The following TJP3 variants were observed in gnomAD, a reference collection of about 807,000 sequenced individuals.
The protein encoded by TJP3 is tight junction protein 3, also known as tight junction protein ZO-3.
TJP3 carries 85 observed loss-of-function variants against 104.2 expected under a neutral mutation model. The observed-to-expected ratio is 0.82, with a 90% CI of 0.68 to 0.98. The LOEUF is 0.98. Among genes scored for constraint, TJP3 ranks in the 50% least tolerant of loss-of-function variants. The probability of loss-of-function intolerance (pLI) is 0.00; values close to 1 mark genes in which losing one functional copy is unlikely to be tolerated. For synonymous variants in TJP3, 550 were observed against 550.6 expected (o/e 1.00, Z 0.02); for missense variants, 1,367 against 1,322.8 (o/e 1.03, Z -0.52).
chr19:3,739,266 C>T, intron 13 of TJP3, 132 bp downstream of exon 13: 1 of 748,970 alleles, frequency 1.3e-6, no homozygotes, highest in Non-Finnish European at 2.0e-6. Flanking sequence ...CTGAAGTGGG[C>T]AGATCATGAG....
chr19:3,714,051 TTTG>T (rs1178748444), intron 1 of TJP3, among the ~76,000 whole-genome samples: 1 of 150,640 alleles, frequency 6.6e-6, no homozygotes, highest in East Asian at 2.0e-4. Flanking sequence ...ATTTAATTTC[TTTG>T]TTGTTGTTTT....
At chr19:3,728,353 GC>G in intron 1 of TJP3, 70 bp from the exon 2 acceptor site, 1 of 1,612,524 alleles carries the variant, frequency 6.2e-7, no homozygotes, top group Non-Finnish European at 8.5e-7. Flanking sequence ...CCCACCCTGA[GC>G]TGGGGACCCC....
intron 11 of TJP3, among the ~76,000 whole-genome samples, chr19:3,737,029 G>A (rs868283674): frequency 2.7e-5 from 4 of 150,844 alleles, no homozygotes; most frequent in African/African-American, 7.3e-5. Flanking sequence ...ACAGGTGGCC[G>A]CCACCATGCC....
In TJP3 at chr19:3,740,546, C is replaced by A. The variant is rs951054501; in HGVS notation, c.1632-6C>A. 32 of 1,458,768 alleles carry A rather than the reference C, an allele frequency of 2.2e-5. No individual in the cohort carries two copies. The highest frequency in any genetic ancestry group is 5.1e-4 in the Middle Eastern group (2 of 3,918). The allele number at this position is 1,458,768 out of a possible 1,614,324, so 90.4% of individuals were successfully genotyped here. A position where few individuals can be genotyped will look rare whatever the true frequency, so the allele number is the denominator to read the frequency against. On this transcript the variant is annotated splice_region_variant and splice_polypyrimidine_tract_variant and intron_variant, in intron 13 of 20. Transcript: ENST00000541714. ...AGTGCTCAGTACTGTCCCCTCTTCTCCCCAGGGCGGAGCAGCTGGCCAGCC... is the reference window on the plus strand; with the variant it reads ...AGTGCTCAGTACTGTCCCCTCTTCTACCCAGGGCGGAGCAGCTGGCCAGCC...
rs562451539 is a variant in TJP3 at position 3,735,896 on chromosome 19, T to G, written c.1088T>G (p.Ile363Ser). The part of the protein sequence containing the change: ...SELPRESSYD[I>S]YRVPSSQSME... Reference sequence around the variant, plus strand: ...TTGCCCAGGGAAAGCAGCTATGACATCTACAGAGTGCCCAGCAGTCAGAGC... The same window carrying G: ...TTGCCCAGGGAAAGCAGCTATGACAGCTACAGAGTGCCCAGCAGTCAGAGC... Residue 363 changes from isoleucine (I) to serine (S), a missense_variant, in exon 10 of 21, where the codon ATC becomes AGC. Ile to Ser is a moderately radical substitution (Grantham distance 142, BLOSUM62 -2). Transcript: ENST00000541714. The G allele has an allele frequency of 5.6e-6, 9 of 1,614,110 alleles. No individual in the cohort carries two copies. In the South Asian group the frequency reaches 9.9e-5, roughly 18 times the overall value.
In TJP3 at chr19:3,747,982, C is replaced by A; in HGVS notation, c.2511C>A (p.Pro837=). The A allele has an allele frequency of 6.2e-7, 1 of 1,612,232 alleles. No homozygotes were observed. The highest frequency in any genetic ancestry group is 8.5e-7 in the Non-Finnish European group (1 of 1,179,586). Residue 837 remains proline (P), a synonymous_variant, in exon 19 of 21, where the codon CCC becomes CCA. Transcript: ENST00000541714. ...GGPYTDVDDE[P]PAPALARSSE... ...CCTACACGGATGTGGATGATGAGCCCCCGGCTCCAGCCCTGGCCCGGTCCT... is the reference window on the plus strand; with the variant it reads ...CCTACACGGATGTGGATGATGAGCCACCGGCTCCAGCCCTGGCCCGGTCCT...
Position 3,747,924 on chromosome 19 carries a change from A to T in TJP3, c.2453A>T (p.Asp818Val). The change falls in exon 19 of 21, where the codon GAT becomes GTT. Residue 818 changes from aspartate (D) to valine (V), a missense_variant. Transcript: ENST00000541714. ...GACGGCGAGGGCGGCGCGTACACGG[A>T]TGGCGAGGGCTACACAGACGGCGAG... ...ETDGEGGAYT[D>V]GEGYTDGEGG... 1.2e-6 allele frequency: 2 copies of T among 1,613,254 alleles called. No homozygotes were observed. Among genetic ancestry groups the T allele is most frequent in the South Asian group, 1.1e-5 (1 of 91,062 alleles).
intron 6 of TJP3, 107 bp downstream of exon 6, chr19:3,732,145 T>G (rs1054607485): frequency 3.5e-6 from 3 of 846,316 alleles, no homozygotes; most frequent in Non-Finnish European, 5.3e-6. Flanking sequence ...CCCAAAGCAT[T>G]TACCTTCAGT....
chr19:3,711,736 C>CA (rs1450285054), intron 1 of TJP3, among the ~76,000 whole-genome samples: 1,469 of 24,650 alleles, frequency 0.06, 54 homozygotes, highest in African/African-American at 0.16. Context: ...ACTAAAAGTA[C>CA]AAAAAAAAAA....
chr19:3,737,422 C>T (rs1222564916), intron 11 of TJP3, among the ~76,000 whole-genome samples: 1 of 152,028 alleles, frequency 6.6e-6, no homozygotes, highest in Non-Finnish European at 1.5e-5. Context: ...TCATGATCTC[C>T]ATGTCCACTT....
At position 3,740,741 on chromosome 19, in the gene TJP3, C is replaced by T. The variant is rs757341839; in HGVS notation, c.1821C>T (p.Tyr607=). ...CCCGACAGGGCCGCTACCCGCCCTA[C>T]GAACGAGTGGTGTTGCGAGAAGGTG... ...ALTRQGRYPP[Y]ERVVLREASF... The change falls in exon 14 of 21, where the codon TAC becomes TAT. Residue 607 remains tyrosine, a synonymous_variant. Coordinates refer to ENST00000541714, the MANE Select transcript of TJP3 (RefSeq NM_001267560.2). The T allele has an allele frequency of 2.4e-5, 38 of 1,590,148 alleles. No homozygotes were observed. The Admixed American group carries it at 2.9e-4, about 12-fold the overall frequency.
chr19:3,738,184 A>G (rs1478512961), intron 11 of TJP3, among the ~76,000 whole-genome samples: 1 of 152,180 alleles, frequency 6.6e-6, no homozygotes, highest in Non-Finnish European at 1.5e-5. Context: ...CCCTGTGACT[A>G]CTGTGACTAC....
At chr19:3,736,045 TA>T in intron 10 of TJP3, 110 bp downstream of exon 10, 1 of 1,563,904 alleles carries the variant, frequency 6.4e-7, no homozygotes, top group Non-Finnish European at 8.7e-7. Flanking sequence ...GTGGGACCAT[TA>T]AGTGGGGGTT....
At chr19:3,712,604 C>T (rs2036443268) in intron 1 of TJP3, among the ~76,000 whole-genome samples, 1 of 152,162 alleles carries the variant, frequency 6.6e-6, no homozygotes. Context: ...GCTTTTCTCT[C>T]TCTGCTGTGG....
At chr19:3,740,786 C>T in intron 14 of TJP3, 23 bp downstream of exon 14, 1 of 1,519,860 alleles carries the variant, frequency 6.6e-7, no homozygotes, top group Non-Finnish European at 8.8e-7. Flanking sequence ...GCTGGAGGGG[C>T]CCTGGGGAGG....
chr19:3,739,030 C>G lies in TJP3; in HGVS notation c.1527C>G (p.His509Gln). The change falls in exon 13 of 21, where the codon CAC becomes CAG. Residue 509 changes from histidine to glutamine, a missense_variant. By Grantham distance (24) the His-to-Gln change is conservative (BLOSUM62 0). Transcript: ENST00000541714. ...GDVFHVLDTLHPGPGQSHARG... is the reference protein window; with the variant it reads ...GDVFHVLDTLQPGPGQSHARG... ...TCTTCCACGTGCTGGACACGCTGCA[C>G]CCCGGCCCCGGGCAGAGCCACGCAC... 1.2e-6 allele frequency: 2 copies of G among 1,612,100 alleles called. No homozygotes were observed. Among genetic ancestry groups the G allele is most frequent in the Middle Eastern group, 1.7e-4 (1 of 6,006 alleles).
chr19:3,744,087 T>C (rs2036855765), intron 15 of TJP3, 53 bp downstream of exon 15: 12 of 1,552,036 alleles, frequency 7.7e-6, no homozygotes, highest in Non-Finnish European at 9.8e-6. Flanking sequence ...TTCACAACTG[T>C]TTTTTTGTGG....
intron 1 of TJP3, among the ~76,000 whole-genome samples, chr19:3,710,940 G>T (rs2036428053): frequency 6.6e-6 from 1 of 152,102 alleles, no homozygotes; most frequent in Non-Finnish European, 1.5e-5. Flanking sequence ...GTCTCGCTCT[G>T]TCGCCCAGGC....
At chr19:3,715,166 T>C (rs1023569261) in intron 1 of TJP3, among the ~76,000 whole-genome samples, 10 of 151,382 alleles carry the variant, frequency 6.6e-5, no homozygotes, top group Non-Finnish European at 1.3e-4. Context: ...CTCGGCTCAC[T>C]GCAACCTCCG....
Sources: allele counts gnomAD v4.1 joint callset (sites outside exome capture counted in the v4.1 genomes callset), GRCh38; gene constraint gnomAD v4.1.1; transcripts MANE v1.5; gene names NCBI Gene and HGNC (gene_info 2026-07-23, HGNC 2026-07-21).